PHEX: variants seen among roughly 807,000 people sequenced by gnomAD.
The protein encoded by PHEX is phosphate regulating endopeptidase X-linked, also known as phosphate-regulating neutral endopeptidase PHEX.
Under a neutral mutation model 68.0 loss-of-function variants are expected in PHEX, and 16 were observed. The ratio of observed to expected loss-of-function variants is 0.24; its 90% confidence interval spans 0.16 to 0.36. The LOEUF (loss-of-function observed/expected upper bound fraction) is 0.36. Among genes scored for constraint, PHEX ranks in the 10% least tolerant of loss-of-function variants. The pLI is 1.00. For missense variants in PHEX, 480 were observed against 575.5 expected, an observed-to-expected ratio of 0.83 and a Z score of 1.70; for synonymous variants, 208 against 205.1, an observed-to-expected ratio of 1.01 and a Z score of -0.12.
At chrX:22,242,667 T>A (rs1936260800) in intron 20 of PHEX, among the ~76,000 whole-genome samples, 1 of 111,350 alleles carries the variant, frequency 9.0e-6, no homozygotes, top group Admixed American at 9.6e-5. Context: ...ATGAGTCAAC[T>A]CCCATTCACA....
chrX:22,239,286 T>G (rs984353144), intron 20 of PHEX, among the ~76,000 whole-genome samples: 1 of 111,372 alleles, frequency 9.0e-6, no homozygotes, highest in Non-Finnish European at 1.9e-5. Flanking sequence ...GAGAAACCAG[T>G]GCAAAAAGGC....
chrX:22,163,760 C>T (rs1933218290), intron 12 of PHEX, among the ~76,000 whole-genome samples: 1 of 112,234 alleles, frequency 8.9e-6, no homozygotes, highest in Admixed American at 9.5e-5. Context: ...ACCTGACTCA[C>T]TAATACTTTG....
At chrX:22,040,303 T>G (rs1461112348) in intron 2 of PHEX, among the ~76,000 whole-genome samples, 1 of 111,775 alleles carries the variant, frequency 8.9e-6, no homozygotes, top group African/African-American at 3.3e-5. Flanking sequence ...AATAGAGCAG[T>G]GAACCAGGTA....
chrX:22,122,062 C>T (rs1348207028), intron 11 of PHEX, among the ~76,000 whole-genome samples: 1 of 111,672 alleles, frequency 9.0e-6, no homozygotes, highest in African/African-American at 3.3e-5. Flanking sequence ...AATTCCCTCG[C>T]TCACTGTTTC....
chrX:22,199,741 C>G (rs1934488783), intron 15 of PHEX, among the ~76,000 whole-genome samples: 1 of 112,012 alleles, frequency 8.9e-6, no homozygotes, highest in Non-Finnish European at 1.9e-5. Flanking sequence ...AGAGAAGCTT[C>G]CTTTCAGTGC....
At chrX:22,083,008 A>G in intron 5 of PHEX, among the ~76,000 whole-genome samples, 2 of 111,883 alleles carry the variant, frequency 1.8e-5, no homozygotes, top group Non-Finnish European at 3.8e-5. Context: ...AACTACGGAT[A>G]CATAGATCAA....
In PHEX at chrX:22,133,529, G is replaced by A. The variant is rs1341755128; in HGVS notation, c.1309G>A (p.Glu437Lys). The change falls in exon 12 of 22, where the codon GAA (glutamate) becomes AAA (lysine). Residue 437 changes from glutamate (E) to lysine (K), a missense_variant. Physicochemically the swap from Glu to Lys is moderately conservative, Grantham distance 56. Coordinates refer to ENST00000379374, the MANE Select transcript of PHEX (RefSeq NM_000444.6). ...TTTGGGTATTTTCTTGTAGATGGAG[G>A]AATTGGTTGAGGGCGTTCGCTGGGC... ...FQEDKKEMMEELVEGVRWAFI... is the reference protein window; with the variant it reads ...FQEDKKEMMEKLVEGVRWAFI... 1 of 1,199,292 alleles carries A rather than the reference G, an allele frequency of 8.3e-7. No homozygotes were observed. The highest frequency in any genetic ancestry group is 1.8e-5 in the South Asian group (1 of 56,546).
intron 20 of PHEX, among the ~76,000 whole-genome samples, chrX:22,243,434 A>T (rs976480843): frequency 8.9e-6 from 1 of 112,033 alleles, no homozygotes; most frequent in African/African-American, 3.2e-5. Flanking sequence ...TGACAAATGG[A>T]ATCTAATTAA....
intron 13 of PHEX, among the ~76,000 whole-genome samples, chrX:22,175,015 C>T (rs143286595): frequency 1.3e-4 from 15 of 111,512 alleles, no homozygotes; most frequent in Non-Finnish European, 2.3e-4. Flanking sequence ...AGCCCTGTTT[C>T]CCATCTATCA....
chrX:22,071,629 G>A (rs923729188), intron 3 of PHEX, among the ~76,000 whole-genome samples: 7 of 111,849 alleles, frequency 6.3e-5, no homozygotes, highest in South Asian at 7.5e-4. Flanking sequence ...GTATTTCTTG[G>A]TGATATTATT....
At chrX:22,060,802 C>T (rs753086007) in intron 3 of PHEX, among the ~76,000 whole-genome samples, 30 of 111,706 alleles carry the variant, frequency 2.7e-4, no homozygotes, top group African/African-American at 6.2e-4. Flanking sequence ...CTGAGAAAGA[C>T]GTATACACCC....
chrX:22,204,109 T>C (rs1934638522), intron 15 of PHEX, among the ~76,000 whole-genome samples: 1 of 111,235 alleles, frequency 9.0e-6, no homozygotes, highest in African/African-American at 3.3e-5. Flanking sequence ...CTTACCCTGA[T>C]ATAAACCAAT....
At chrX:22,115,965 A>G (rs1391039235) in intron 11 of PHEX, among the ~76,000 whole-genome samples, 1 of 112,707 alleles carries the variant, frequency 8.9e-6, no homozygotes, top group African/African-American at 3.2e-5. Flanking sequence ...TACTTTGGAT[A>G]TATACCCAGT....
chrX:22,215,333 G>A (rs1276191189), intron 16 of PHEX, among the ~76,000 whole-genome samples: 1 of 111,615 alleles, frequency 9.0e-6, no homozygotes, highest in Non-Finnish European at 1.9e-5. Flanking sequence ...AGACATGGGA[G>A]TCATGGTCCA....
rs763520621 is a variant in PHEX, at chrX:22,251,222, T to C, written c.*3269T>C. 5 of 112,680 alleles carry C rather than the reference T, an allele frequency of 4.4e-5. No homozygotes were observed. The South Asian group carries it at 1.8e-3, about 41-fold the overall frequency. The allele number at this position is 112,680 out of a possible 1,213,427, so 9.3% of individuals were successfully genotyped here. Reference sequence around the variant, plus strand: ...GATTATGTGTTTTATATCTAAATGGTTATTCTGAGACTGGTTGTATTTTCT... The same window carrying C: ...GATTATGTGTTTTATATCTAAATGGCTATTCTGAGACTGGTTGTATTTTCT... On this transcript the variant is annotated 3_prime_UTR_variant, in exon 22 of 22. Transcript: ENST00000379374.
chrX:22,072,849 C>T (rs1481899375), intron 3 of PHEX, among the ~76,000 whole-genome samples: 1 of 111,773 alleles, frequency 8.9e-6, no homozygotes, highest in Non-Finnish European at 1.9e-5. Context: ...GTGTACTTTT[C>T]TGTATGTTGT....
At chrX:22,176,395 AAAAAAAAATATATAT>A (rs1933699387) in intron 13 of PHEX, among the ~76,000 whole-genome samples, 1 of 86,169 alleles carries the variant, frequency 1.2e-5, no homozygotes, top group African/African-American at 5.0e-5. Context: ...AAAAAAAAAA[AAAAAAAAATATATAT>A]ATATATATAT....
chrX:22,170,582 A>G (rs1036861969), intron 13 of PHEX, among the ~76,000 whole-genome samples: 7 of 112,200 alleles, frequency 6.2e-5, no homozygotes, highest in Admixed American at 9.4e-5. Flanking sequence ...TGTGTTAGCT[A>G]TGACATCCTC....
chrX:22,198,634 G>T (rs1409552617), intron 15 of PHEX, among the ~76,000 whole-genome samples: 1 of 111,685 alleles, frequency 9.0e-6, no homozygotes, highest in African/African-American at 3.3e-5. Context: ...ACTGTGAGAT[G>T]GCCACAAATG....
Sources: gnomAD v4.1 joint callset for allele counts (sites outside exome capture counted in the v4.1 genomes callset) on GRCh38, gnomAD v4.1.1 for gene constraint, MANE v1.5 for transcripts, NCBI Gene and HGNC (gene_info 2026-07-23, HGNC 2026-07-21) for gene names.